ASTN2: variants seen among roughly 807,000 people sequenced by gnomAD.
The protein encoded by ASTN2 is astrotactin 2.
In ASTN2, 54 loss-of-function variants were observed where a neutral mutation model predicts 139.8. The ratio of observed to expected loss-of-function variants is 0.39; its 90% CI spans 0.31 to 0.48. The LOEUF (loss-of-function observed/expected upper bound fraction) is 0.48. Ranked by LOEUF, ASTN2 falls within the 20% of genes least tolerant of loss-of-function variation. The probability of loss-of-function intolerance (pLI) is 0.95; values close to 1 mark genes in which losing one functional copy is unlikely to be tolerated. For synonymous variants in ASTN2, 756 were observed against 719.5 expected (o/e 1.05, Z -0.81); for missense variants, 1,565 against 1,725.1 (o/e 0.91, Z 1.64).
At chr9:117,074,574 G>T (rs1028589320) in intron 5 of ASTN2, among the ~76,000 whole-genome samples, 4 of 152,156 alleles carry the variant, frequency 2.6e-5, no homozygotes, top group African/African-American at 9.7e-5. Context: ...TAGAGAGGTG[G>T]ATTTGGCTAA....
chr9:117,059,036 T>A (rs975213164), intron 5 of ASTN2, among the ~76,000 whole-genome samples: 11 of 152,156 alleles, frequency 7.2e-5, no homozygotes, highest in African/African-American at 2.4e-4. Flanking sequence ...TGAGGCAACG[T>A]GTTATAATGC....
Position 117,082,765 on chromosome 9 carries a change from T to C in ASTN2, c.1276+13279A>G, listed in dbSNP as rs544605258. On this transcript the variant is annotated intron_variant, in intron 5 of 22. Coordinates refer to ENST00000313400, the MANE Select transcript of ASTN2 (RefSeq NM_001365068.1). ...TTGCAGTGAGCTGAGATTGTGCCACTGCACTCTATCCTGGGTGACAGAGTG... is the reference window on the plus strand; with the variant it reads ...TTGCAGTGAGCTGAGATTGTGCCACCGCACTCTATCCTGGGTGACAGAGTG... Among the ~76,000 whole-genome samples, 138 of 152,320 alleles carry C rather than the reference T, an allele frequency of 9.1e-4. 1 individual carries two copies. Among genetic ancestry groups the C allele is most frequent in the African/African-American group, 3.2e-3 (133 of 41,576 alleles).
chr9:116,639,726 G>C (rs1857239941), intron 17 of ASTN2, among the ~76,000 whole-genome samples: 1 of 152,150 alleles, frequency 6.6e-6, no homozygotes, highest in African/African-American at 2.4e-5. Flanking sequence ...TTCCAGCCCT[G>C]GCTCTGATAT....
rs141517958 is a variant in ASTN2, at chr9:116,526,277, G to A, written c.3356-38777C>T. Among the ~76,000 whole-genome samples the A allele has an allele frequency of 6.2e-3, 940 of 152,228 alleles. 14 individuals are homozygous for A. The highest frequency in any genetic ancestry group is 0.021 in the African/African-American group (880 of 41,540). ...CCCCTCTTTCCTTGCCTGTAATATG[G>A]GAATAATCATACCTACTCTGTGGGG... On this transcript the variant is annotated intron_variant, in intron 19 of 22. Coordinates refer to ENST00000313400, the MANE Select transcript of ASTN2 (RefSeq NM_001365068.1).
At chr9:117,320,785 C>T (rs745616509) in intron 1 of ASTN2, among the ~76,000 whole-genome samples, 1 of 152,178 alleles carries the variant, frequency 6.6e-6, no homozygotes, top group African/African-American at 2.4e-5. Context: ...CAACCCCAAA[C>T]TCCCCGTAAC....
intron 22 of ASTN2, among the ~76,000 whole-genome samples, chr9:116,426,304 G>A (rs887611932): frequency 1.3e-5 from 2 of 152,086 alleles, no homozygotes; most frequent in Non-Finnish European, 2.9e-5. Context: ...AAGAGGTAGA[G>A]CCTTTAACCT....
At chr9:117,152,439 T>A (rs1830345161) in intron 3 of ASTN2, among the ~76,000 whole-genome samples, 2 of 152,164 alleles carry the variant, frequency 1.3e-5, no homozygotes, top group Admixed American at 1.3e-4. Flanking sequence ...TGGTTACACC[T>A]TGGATCTTGC....
At chr9:117,287,470 A>C (rs993298432) in intron 2 of ASTN2, among the ~76,000 whole-genome samples, 1 of 152,238 alleles carries the variant, frequency 6.6e-6, no homozygotes, top group Admixed American at 6.5e-5. Flanking sequence ...ATAGTTTCTG[A>C]AACCAGCTTA....
intron 16 of ASTN2, among the ~76,000 whole-genome samples, chr9:116,679,446 A>G (rs368526001): frequency 6.6e-6 from 1 of 152,136 alleles, no homozygotes; most frequent in East Asian, 1.9e-4. Flanking sequence ...GTATGTTCCG[A>G]AATTATGTAA....
chr9:116,976,658 T>C (rs1836348682), intron 8 of ASTN2, 43 bp downstream of exon 8: 1 of 1,554,594 alleles, frequency 6.4e-7, no homozygotes, highest in African/African-American at 1.4e-5. Context: ...GAGGTAAAAG[T>C]GGGTCCTGCA....
At chr9:116,665,777 G>A (rs1486540410) in intron 16 of ASTN2, among the ~76,000 whole-genome samples, 1 of 152,108 alleles carries the variant, frequency 6.6e-6, no homozygotes, top group Non-Finnish European at 1.5e-5. Context: ...AATAATAATT[G>A]CAATTGATTT....
rs368811542 is a variant in ASTN2, at chr9:117,094,214, GAGGAA to G, written c.1276+1825_1276+1829del. 7.3e-3 allele frequency among the ~76,000 whole-genome samples: 644 copies of G among 88,416 alleles called. 6 individuals are homozygous for G. The highest frequency in any genetic ancestry group is 0.022 in the African/African-American group (578 of 26,872). The allele number at this position is 88,416 out of a possible 152,430, so 58.0% of individuals were successfully genotyped here. On this transcript the variant is annotated intron_variant, in intron 5 of 22. Coordinates refer to ENST00000313400, the MANE Select transcript of ASTN2 (RefSeq NM_001365068.1). ...GAGGAGAGGAGAGGAGAGGAGAGGA[GAGGAA>G]AGGAAAGAGGGAAGAAGGGAGGGAG...
chr9:116,932,617 T>C (rs114946078), intron 10 of ASTN2, among the ~76,000 whole-genome samples: 3,926 of 151,968 alleles, frequency 0.026, 163 homozygotes, highest in African/African-American at 0.086. Flanking sequence ...GAGCTAGACA[T>C]CAGGGACGCA....
chr9:117,120,375 A>G (rs1829527473), intron 4 of ASTN2, among the ~76,000 whole-genome samples: 1 of 152,104 alleles, frequency 6.6e-6, no homozygotes, highest in South Asian at 2.1e-4. Context: ...CCCATGAGGA[A>G]GGCCACCATG....
At chr9:116,470,961 G>C (rs1446962684) in intron 20 of ASTN2, among the ~76,000 whole-genome samples, 1 of 152,140 alleles carries the variant, frequency 6.6e-6, no homozygotes, top group African/African-American at 2.4e-5. Flanking sequence ...ACGATGTATT[G>C]TTCAAAAATT....
chr9:116,502,612 G>GAA (rs1849907338), intron 19 of ASTN2, among the ~76,000 whole-genome samples: 1 of 150,600 alleles, frequency 6.6e-6, no homozygotes, highest in Non-Finnish European at 1.5e-5. Flanking sequence ...GAGAGAGAGA[G>GAA]AAACAGAGAA....
intron 19 of ASTN2, among the ~76,000 whole-genome samples, chr9:116,488,407 G>A (rs1465013934): frequency 1.3e-5 from 2 of 152,028 alleles, no homozygotes; most frequent in Non-Finnish European, 1.5e-5. Flanking sequence ...TGGTGAAGGT[G>A]CCAGAATCAT....
intron 1 of ASTN2, among the ~76,000 whole-genome samples, chr9:117,360,270 G>A (rs1829655624): frequency 6.6e-6 from 1 of 152,172 alleles, no homozygotes; most frequent in African/African-American, 2.4e-5. Context: ...AGAGCTTATG[G>A]TTTAGTGGGT....
intron 4 of ASTN2, among the ~76,000 whole-genome samples, chr9:117,122,750 G>A (rs1446313069): frequency 3.3e-5 from 5 of 152,146 alleles, no homozygotes; most frequent in Non-Finnish European, 1.5e-5. Context: ...ATTGCTGGTG[G>A]TGGGTTTATG....
Sources: allele counts gnomAD v4.1 joint callset (sites outside exome capture counted in the v4.1 genomes callset), GRCh38; gene constraint gnomAD v4.1.1; transcripts MANE v1.5; gene names NCBI Gene and HGNC (gene_info 2026-07-23, HGNC 2026-07-21).